DNAL4: variants seen among roughly 807,000 people sequenced by gnomAD.
DNAL4 encodes the protein dynein axonemal light chain 4.
Under a neutral mutation model 12.6 loss-of-function variants are expected in DNAL4, and 10 were observed. The ratio of observed to expected loss-of-function variants is 0.79; its 90% CI spans 0.49 to 1.34. The LOEUF (loss-of-function observed/expected upper bound fraction) is 1.34, where lower values mean the gene tolerates loss of function less well. Ranked by LOEUF, DNAL4 falls within the 40% of genes most tolerant of loss-of-function variation. The probability of loss-of-function intolerance (pLI) is 0.00; values close to 1 mark genes in which losing one functional copy is unlikely to be tolerated. For missense variants in DNAL4, 128 were observed against 138.1 expected, an observed-to-expected ratio of 0.93 and a Z score of 0.37; for synonymous variants, 46 against 53.1, an observed-to-expected ratio of 0.87 and a Z score of 0.58.
intron 1 of DNAL4, among the ~76,000 whole-genome samples, chr22:38,787,055 G>A (rs2093043338): frequency 6.6e-6 from 1 of 152,032 alleles, no homozygotes; most frequent in Non-Finnish European, 1.5e-5. Context: ...GCGGCCCTTA[G>A]ATCACGGCTC....
At chr22:38,786,597 T>C (rs2093042628) in intron 1 of DNAL4, among the ~76,000 whole-genome samples, 2 of 151,998 alleles carry the variant, frequency 1.3e-5, no homozygotes, top group African/African-American at 4.8e-5. Context: ...AACAAAACTG[T>C]GCCCACCGCC....
In DNAL4 at chr22:38,782,688, C is replaced by G; in HGVS notation, c.44G>C (p.Arg15Pro). The stretch of plus-strand genomic sequence containing the variant: ...CCTGACCAGAGGGAAGGTCTGCAGT[C>G]GCTTATAATCAGCCTCATCTTTCTT... The part of the protein sequence containing the change: ...EGKKDEADYK[R>P]LQTFPLVRHS... The change falls in exon 2 of 4, where the codon CGA (arginine) becomes CCA (proline). Residue 15 changes from arginine (R) to proline (P), a missense_variant. Transcript: ENST00000216068. The surrounding 1 kb of genome is among the most constrained non-coding windows in gnomAD (Gnocchi z 5.1). 1 of 1,613,464 alleles carries G rather than the reference C, an allele frequency of 6.2e-7. No individual in the cohort carries two copies. Among genetic ancestry groups the G allele is most frequent in the Non-Finnish European group, 8.5e-7 (1 of 1,179,810 alleles).
chr22:38,783,653 C>G (rs1356776715), intron 1 of DNAL4, among the ~76,000 whole-genome samples: 1 of 152,234 alleles, frequency 6.6e-6, no homozygotes, highest in Non-Finnish European at 1.5e-5. Flanking sequence ...GCTGGCCCAG[C>G]AGCTGGGAGG....
At chr22:38,787,244 CTTTTT>C (rs199611279) in intron 1 of DNAL4, among the ~76,000 whole-genome samples, 10 of 142,390 alleles carry the variant, frequency 7.0e-5, no homozygotes, top group African/African-American at 2.6e-4. Flanking sequence ...TTCTTTCTTT[CTTTTT>C]TTTTTTTTTG....
chr22:38,791,521 TTTTTGTATTTTTATA>T lies in DNAL4; in HGVS notation c.-140+2532_-140+2546del, dbSNP rs754236625. Reference sequence around the variant, plus strand: ...GGCACGTGCCACCAAGCCGGGCTTATTTTTGTATTTTTATATTTTGTATTTTTAGTATTTTGTATT... The same window carrying T: ...GGCACGTGCCACCAAGCCGGGCTTATTTTTGTATTTTTAGTATTTTGTATT... On this transcript the variant is annotated intron_variant, in intron 1 of 3. Coordinates refer to ENST00000216068, the MANE Select transcript of DNAL4 (RefSeq NM_005740.3). 1.4e-4 allele frequency among the ~76,000 whole-genome samples: 21 copies of T among 151,414 alleles called. No homozygotes were observed. The East Asian group carries it at 1.8e-3, about 13-fold the overall frequency.
intron 1 of DNAL4, among the ~76,000 whole-genome samples, chr22:38,783,258 CACACGGGCCTTCCCTCCCACTACAT>C (rs1227641865): frequency 0.025 from 3,703 of 147,508 alleles, 801 homozygotes; most frequent in African/African-American, 0.043. Flanking sequence ...TCCCACTACA[CACACGGGCCTTCCCTCCCACTACAT>C]ACACGGGCCT....
rs142991605 is a variant in DNAL4, at chr22:38,786,324, C to T, written c.-139-3454G>A. On this transcript the variant is annotated intron_variant, in intron 1 of 3. Transcript: ENST00000216068. ...CTGTAATCCCAGCACTTTGGGAGGC[C>T]GAGGTGGGTGGATCACTTGAGGTCA... 5.5e-3 allele frequency among the ~76,000 whole-genome samples: 836 copies of T among 152,170 alleles called. 6 individuals are homozygous for T. The highest frequency in any genetic ancestry group is 0.019 in the African/African-American group (793 of 41,498).
At position 38,779,348 on chromosome 22, in the gene DNAL4, C is replaced by G. The variant is rs767215717; in HGVS notation, c.*101G>C. The G allele has an allele frequency of 5.2e-5, 73 of 1,408,728 alleles. No homozygotes were observed. The highest frequency in any genetic ancestry group is 6.7e-5 in the Non-Finnish European group (71 of 1,065,838). The allele number at this position is 1,408,728 out of a possible 1,614,324, so 87.3% of individuals were successfully genotyped here. ...TACACAAAGACAAAAAGAAAAGACC[C>G]CAACTCTCCTTGGAAAAACCAGGAC... is the stretch of plus-strand genomic sequence containing the variant. On this transcript the variant is annotated 3_prime_UTR_variant, in exon 4 of 4. Transcript: ENST00000216068. The surrounding 1 kb of genome is among the most constrained non-coding windows in gnomAD (Gnocchi z 4.3).
At chr22:38,785,342 G>A (rs975213861) in intron 1 of DNAL4, 2 of 152,204 alleles carry the variant, frequency 1.3e-5, no homozygotes, top group Non-Finnish European at 2.9e-5. Flanking sequence ...AGAATTTCAA[G>A]GGGGAACAAT....
intron 1 of DNAL4, chr22:38,785,236 C>G (rs1276768167): frequency 6.6e-6 from 1 of 152,214 alleles, no homozygotes; most frequent in African/African-American, 2.4e-5. Context: ...GTCCTCCTAG[C>G]CTTACTGCTT....
At chr22:38,783,853 C>T (rs1039653947) in intron 1 of DNAL4, among the ~76,000 whole-genome samples, 5 of 152,168 alleles carry the variant, frequency 3.3e-5, no homozygotes, top group African/African-American at 1.2e-4. Context: ...GTTCCCTAAC[C>T]GACGGGGCTT....
intron 1 of DNAL4, among the ~76,000 whole-genome samples, chr22:38,783,190 T>TCCTTCCCTCCCACTACACACATGGG (rs1174390177): frequency 6.7e-6 from 1 of 149,970 alleles, no homozygotes; most frequent in East Asian, 2.0e-4. Flanking sequence ...ACATACACGG[T>TCCTTCCCTCCCACTACACACATGGG]CCTTCCCTCC....
At chr22:38,786,651 A>T (rs2093042721) in intron 1 of DNAL4, among the ~76,000 whole-genome samples, 1 of 152,216 alleles carries the variant, frequency 6.6e-6, no homozygotes, top group Non-Finnish European at 1.5e-5. Flanking sequence ...ACTCCAGCCC[A>T]TCTGGCCCAC....
chr22:38,779,548 G>A lies in DNAL4; in HGVS notation c.219C>T (p.Ile73=), dbSNP rs764712598. 9 of 1,591,726 alleles carry A rather than the reference G, an allele frequency of 5.7e-6. No individual in the cohort carries two copies. The highest frequency in any genetic ancestry group is 1.3e-5 in the African/African-American group (1 of 74,406). The part of the protein sequence containing the change: ...KKFGSSWHVV[I]GEGFGFEITH... ...TGATCTCAAACCCAAAGCCCTCGCC[G>A]ATCACCACGTGCCAGGAGGAGCCGA... Residue 73 remains isoleucine (I), a synonymous_variant, in exon 4 of 4, where the codon ATC becomes ATT. Transcript: ENST00000216068. The surrounding 1 kb of genome is among the most constrained non-coding windows in gnomAD (Gnocchi z 4.3).
chr22:38,786,490 C>G (rs908630216), intron 1 of DNAL4, among the ~76,000 whole-genome samples: 1 of 152,182 alleles, frequency 6.6e-6, no homozygotes, highest in South Asian at 2.1e-4. Context: ...ACCCGGGAGA[C>G]AGAGATTGCG....
chr22:38,788,885 C>G (rs2093046381), intron 1 of DNAL4, among the ~76,000 whole-genome samples: 1 of 152,198 alleles, frequency 6.6e-6, no homozygotes, highest in Admixed American at 6.5e-5. Flanking sequence ...CTTAACTGTG[C>G]CCGTGAGTCC....
intron 1 of DNAL4, among the ~76,000 whole-genome samples, chr22:38,789,462 G>A (rs1443282891): frequency 1.3e-5 from 2 of 152,132 alleles, no homozygotes; most frequent in Non-Finnish European, 2.9e-5. Context: ...TTTTTGGAGA[G>A]ACGGGGTTTT....
At chr22:38,781,396 C>T (rs2093034117) in intron 2 of DNAL4, among the ~76,000 whole-genome samples, 1 of 152,216 alleles carries the variant, frequency 6.6e-6, no homozygotes, top group African/African-American at 2.4e-5. Context: ...CCGGCCTTTC[C>T]CTCTGCTCCT....
chr22:38,783,281 C>T (rs1261703080), intron 1 of DNAL4, among the ~76,000 whole-genome samples: 1 of 143,068 alleles, frequency 7.0e-6, no homozygotes, highest in Non-Finnish European at 1.5e-5. Flanking sequence ...CCTCCCACTA[C>T]ATACACGGGC....
Sources: gnomAD v4.1 joint callset for allele counts (sites outside exome capture counted in the v4.1 genomes callset) on GRCh38, gnomAD v4.1.1 for gene constraint, Gnocchi (gnomAD v3.1) non-coding constraint, MANE v1.5 for transcripts, NCBI Gene and HGNC (gene_info 2026-07-23, HGNC 2026-07-21) for gene names.